Variants in TUSC3 observed in about 807,000 individuals in gnomAD.
TUSC3 encodes tumor suppressor candidate 3.
Under a neutral mutation model 44.8 loss-of-function variants are expected in TUSC3, and 45 were observed. That is an observed-to-expected ratio of 1.00 (90% CI 0.79 to 1.29). TUSC3 has a LOEUF of 1.29. Ranked by LOEUF, TUSC3 falls within the 50% of genes most tolerant of loss-of-function variation. The probability of loss-of-function intolerance (pLI) is 0.00; values close to 1 mark genes in which losing one functional copy is unlikely to be tolerated. For missense variants in TUSC3, 519 were observed against 437.9 expected, an observed-to-expected ratio of 1.19 and a Z score of -1.65; for synonymous variants, 212 against 152.9, an observed-to-expected ratio of 1.39 and a Z score of -2.85.
At chr8:15,822,011 C>T in the TUSC3 span, among the ~76,000 whole-genome samples, 4 of 152,122 alleles carry the variant, frequency 2.6e-5, no homozygotes, top group Non-Finnish European at 4.4e-5. Context: ...GGTAGCACTG[C>T]GAGTAATAAG....
the TUSC3 span, among the ~76,000 whole-genome samples, chr8:15,829,615 T>G: frequency 6.6e-6 from 1 of 152,122 alleles, no homozygotes; most frequent in Non-Finnish European, 1.5e-5. Context: ...TTTTAATTTT[T>G]TATTAGTTTA....
At chr8:15,632,938 A>G (rs1805881044) in intron 2 of TUSC3, among the ~76,000 whole-genome samples, 1 of 152,094 alleles carries the variant, frequency 6.6e-6, no homozygotes, top group East Asian at 1.9e-4. Context: ...CTGCCGTGGA[A>G]CTGTAATCAG....
the TUSC3 span, among the ~76,000 whole-genome samples, chr8:15,813,595 G>C: frequency 1.3e-5 from 2 of 152,194 alleles, no homozygotes; most frequent in African/African-American, 4.8e-5. Context: ...AAAATGATAA[G>C]AAATGTTAAG....
intron 2 of TUSC3, among the ~76,000 whole-genome samples, chr8:15,535,027 T>C (rs554858416): frequency 6.6e-6 from 1 of 152,354 alleles, no homozygotes; most frequent in East Asian, 1.9e-4. Context: ...GACTCAAATA[T>C]AGGAGTATGG....
chr8:15,563,160 A>G (rs955963681), intron 1 of TUSC3, among the ~76,000 whole-genome samples: 4 of 152,226 alleles, frequency 2.6e-5, no homozygotes, highest in African/African-American at 7.2e-5. Flanking sequence ...ATTATTTAAT[A>G]TAAGACATTT....
chr8:15,589,157 G>A lies in TUSC3; in HGVS notation c.139-33923G>A, dbSNP rs142818910. Among the ~76,000 whole-genome samples the A allele has an allele frequency of 2.9e-4, 44 of 152,104 alleles. No individual in the cohort carries two copies. The South Asian group carries it at 6.4e-3, about 22-fold the overall frequency. ...CTACACCCTTTTGGTTTCCATTTACGTGGGATATATTTTTGCATACCTTTA... is the reference window on the plus strand; with the variant it reads ...CTACACCCTTTTGGTTTCCATTTACATGGGATATATTTTTGCATACCTTTA... On this transcript the variant is annotated intron_variant, in intron 1 of 10. Coordinates refer to ENST00000503731, the MANE Select transcript of TUSC3 (RefSeq NM_006765.4).
chr8:15,493,070 G>A (rs1402039416), intron 2 of TUSC3, among the ~76,000 whole-genome samples: 1 of 151,854 alleles, frequency 6.6e-6, no homozygotes, highest in African/African-American at 2.4e-5. Context: ...ACAGTGCTAG[G>A]TTTTATAATC....
At chr8:15,823,315 A>C in the TUSC3 span, among the ~76,000 whole-genome samples, 16,136 of 152,168 alleles carry the variant, frequency 0.11, 960 homozygotes, top group East Asian at 0.25. Flanking sequence ...CTTTTTATTA[A>C]GCAGCCATAA....
At chr8:15,662,122 T>C (rs111418195) in intron 4 of TUSC3, 34 bp from the exon 5 acceptor site, 2 of 1,611,438 alleles carry the variant, frequency 1.2e-6, no homozygotes, top group East Asian at 4.5e-5. Flanking sequence ...TTTATTTTTC[T>C]TTCATTTTTG....
chr8:15,488,687 G>A (rs1166324797), intron 2 of TUSC3, among the ~76,000 whole-genome samples: 1 of 152,152 alleles, frequency 6.6e-6, no homozygotes, highest in African/African-American at 2.4e-5. Context: ...TATAAGGAAA[G>A]AAAGATGTCA....
chr8:15,759,138 T>C (rs1293891019), intron 10 of TUSC3, among the ~76,000 whole-genome samples: 1 of 152,146 alleles, frequency 6.6e-6, no homozygotes, highest in African/African-American at 2.4e-5. Context: ...ACAAGGTCAA[T>C]GGGCCGGAAT....
chr8:15,645,304 C>G (rs768341537), intron 2 of TUSC3, among the ~76,000 whole-genome samples: 1 of 152,174 alleles, frequency 6.6e-6, no homozygotes, highest in Non-Finnish European at 1.5e-5. Context: ...ATTACTTGAA[C>G]ACAGAATACA....
chr8:15,452,796 C>T (rs1433047297), intron 1 of TUSC3, among the ~76,000 whole-genome samples: 2 of 152,182 alleles, frequency 1.3e-5, no homozygotes, highest in African/African-American at 2.4e-5. Flanking sequence ...AGCCCAAGAA[C>T]CATCCTATAA....
chr8:15,833,731 A>G, the TUSC3 span, among the ~76,000 whole-genome samples: 1 of 152,106 alleles, frequency 6.6e-6, no homozygotes, highest in Non-Finnish European at 1.5e-5. Flanking sequence ...GAAAATAACT[A>G]ATGGGTACTA....
rs918954432 is a variant in TUSC3, at chr8:15,652,138, A to G, written c.426+1324A>G. Among the ~76,000 whole-genome samples, 4 of 152,176 alleles carry G rather than the reference A, an allele frequency of 2.6e-5. No homozygotes were observed. The East Asian group carries it at 7.7e-4, about 29-fold the overall frequency. ...TTAAAATGTTTTTACTATGTGATCA[A>G]TCTATTTAAAATGCAAAACTTAGTG... On this transcript the variant is annotated intron_variant, in intron 3 of 10. Transcript: ENST00000503731.
At chr8:15,541,389 TAA>T in intron 1 of TUSC3, among the ~76,000 whole-genome samples, 1 of 152,376 alleles carries the variant, frequency 6.6e-6, no homozygotes, top group African/African-American at 2.4e-5. Context: ...CTAGGGTTTC[TAA>T]TTGTGGACCA....
chr8:15,725,785 G>T (rs1465284526), intron 6 of TUSC3, among the ~76,000 whole-genome samples: 2 of 152,138 alleles, frequency 1.3e-5, no homozygotes, highest in African/African-American at 4.8e-5. Context: ...TGAAACCCAG[G>T]ACAGAGAATT....
intron 2 of TUSC3, among the ~76,000 whole-genome samples, chr8:15,532,248 C>G (rs1227700080): frequency 6.6e-6 from 1 of 151,962 alleles, no homozygotes; most frequent in African/African-American, 2.4e-5. Flanking sequence ...AATAACAGAT[C>G]AAAAAATTCA....
intron 6 of TUSC3, among the ~76,000 whole-genome samples, chr8:15,705,833 C>G (rs1273276152): frequency 6.6e-6 from 1 of 152,040 alleles, no homozygotes; most frequent in East Asian, 1.9e-4. Context: ...CTCATCCCCT[C>G]CTTCATGCTT....
Sources: gnomAD v4.1 joint callset for allele counts (sites outside exome capture counted in the v4.1 genomes callset) on GRCh38, gnomAD v4.1.1 for gene constraint, MANE v1.5 for transcripts, NCBI Gene and HGNC (gene_info 2026-07-23, HGNC 2026-07-21) for gene names.